Variants in OSTF1 observed in about 807,000 individuals in gnomAD.
OSTF1 encodes osteoclast-stimulating factor 1.
Under a neutral mutation model 37.2 loss-of-function variants are expected in OSTF1, and 27 were observed. That is an observed-to-expected ratio of 0.73 (90% confidence interval 0.54 to 1.00). The LOEUF (loss-of-function observed/expected upper bound fraction) is 1.00. OSTF1 is among the 50% of genes least tolerant of loss of function. OSTF1 has a pLI of 0.00. For synonymous variants in OSTF1, 82 were observed against 89.2 expected, an observed-to-expected ratio of 0.92 and a Z score of 0.46; for missense variants, 232 against 253.8, an observed-to-expected ratio of 0.91 and a Z score of 0.58.
At chr9:75,130,949 G>C (rs1825752986) in intron 4 of OSTF1, among the ~76,000 whole-genome samples, 1 of 152,128 alleles carries the variant, frequency 6.6e-6, no homozygotes, top group African/African-American at 2.4e-5. Flanking sequence ...CAATCTTGCA[G>C]ATAGTTTCTT....
chr9:75,113,918 G>A (rs936007368), intron 1 of OSTF1, among the ~76,000 whole-genome samples: 2 of 152,114 alleles, frequency 1.3e-5, no homozygotes, highest in East Asian at 1.9e-4. Flanking sequence ...ACAGAAATTT[G>A]TGTTCTTTAA....
At chr9:75,132,928 A>G (rs926280767) in intron 5 of OSTF1, among the ~76,000 whole-genome samples, 2 of 151,878 alleles carry the variant, frequency 1.3e-5, no homozygotes, top group Admixed American at 6.6e-5. Context: ...CTCAATTTCC[A>G]GAATTTCACA....
At position 75,088,715 on chromosome 9, in the gene OSTF1, C is replaced by T. The variant is rs1212628440; in HGVS notation, c.23C>T (p.Pro8Leu). The T allele has an allele frequency of 6.2e-7, 1 of 1,609,266 alleles. No individual in the cohort carries two copies. Among genetic ancestry groups the T allele is most frequent in the Admixed American group, 1.7e-5 (1 of 59,614 alleles). The change falls in exon 1 of 10, where the codon CCA becomes CTA. Residue 8 changes from proline (P) to leucine (L), a missense_variant. By Grantham distance (98) the Pro-to-Leu change is moderately conservative. Transcript: ENST00000346234. ...GAGATGTCGAAGCCGCCACCCAAAC[C>T]AGTCAAACCAGGTGAGGGAGGTAAG... Reference protein sequence around the residue: MSKPPPKPVKPGQVKVFR... With the variant: MSKPPPKLVKPGQVKVFR...
intron 2 of OSTF1, among the ~76,000 whole-genome samples, chr9:75,126,068 C>A (rs1825656942): frequency 6.6e-6 from 1 of 152,094 alleles, no homozygotes; most frequent in African/African-American, 2.4e-5. Flanking sequence ...CACCACCACA[C>A]CTGGCACATT....
intron 1 of OSTF1, among the ~76,000 whole-genome samples, chr9:75,111,684 T>G (rs1381943817): frequency 2.0e-5 from 3 of 152,226 alleles, no homozygotes; most frequent in African/African-American, 7.2e-5. Context: ...TAGACTTTGA[T>G]GAGACAATGA....
At chr9:75,136,478 T>A (rs1587474556) in intron 7 of OSTF1, among the ~76,000 whole-genome samples, 1 of 152,116 alleles carries the variant, frequency 6.6e-6, no homozygotes, top group South Asian at 2.1e-4. Context: ...CTGCAACCTC[T>A]GCCTCCCGGG....
At chr9:75,136,829 A>T (rs1444860091) in intron 7 of OSTF1, among the ~76,000 whole-genome samples, 1 of 152,080 alleles carries the variant, frequency 6.6e-6, no homozygotes, top group African/African-American at 2.4e-5. Flanking sequence ...AATGAAAGTG[A>T]CACTCCTTCC....
rs943263074 is a variant in OSTF1, at chr9:75,110,400, C to T, written c.35-7104C>T. On this transcript the variant is annotated intron_variant, in intron 1 of 9. Coordinates refer to ENST00000346234, the MANE Select transcript of OSTF1 (RefSeq NM_012383.5). ...TTAGTAATACGCATTTTAGTTTCCT[C>T]CATGTCTTTTCATGGCTTGATAGCT... 5.9e-5 allele frequency among the ~76,000 whole-genome samples: 9 copies of T among 152,322 alleles called. No homozygotes were observed. In the South Asian group the frequency reaches 1.9e-3, roughly 32 times the overall value.
chr9:75,094,040 ACTAT>A (rs1405501755), intron 1 of OSTF1, among the ~76,000 whole-genome samples: 1 of 152,194 alleles, frequency 6.6e-6, no homozygotes, highest in Non-Finnish European at 1.5e-5. Context: ...GGTCAAGTAA[ACTAT>A]CTAAGATCTC....
chr9:75,090,262 C>A (rs1364965161), intron 1 of OSTF1, among the ~76,000 whole-genome samples: 1 of 151,638 alleles, frequency 6.6e-6, no homozygotes, highest in African/African-American at 2.4e-5. Context: ...GTATTAAATG[C>A]TGTCTATATT....
rs1004872692 is a variant in OSTF1, at chr9:75,088,709, CCAAACCAGT to C, written c.26_34del (p.Val9_Pro11del). On this transcript the variant is annotated inframe_deletion, in exon 1 of 10. Coordinates refer to ENST00000346234, the MANE Select transcript of OSTF1 (RefSeq NM_012383.5). Reference sequence around the variant, plus strand: ...GGAAGCGAGATGTCGAAGCCGCCACCCAAACCAGTCAAACCAGGTGAGGGAGGTAAGGTA... The same window carrying C: ...GGAAGCGAGATGTCGAAGCCGCCACCCAAACCAGGTGAGGGAGGTAAGGTA... 5 of 1,609,380 alleles carry C rather than the reference CCAAACCAGT, an allele frequency of 3.1e-6. No individual in the cohort carries two copies. The highest frequency in any genetic ancestry group is 4.2e-6 in the Non-Finnish European group (5 of 1,177,752).
chr9:75,093,930 C>T (rs1435724927), intron 1 of OSTF1, among the ~76,000 whole-genome samples: 1 of 152,202 alleles, frequency 6.6e-6, no homozygotes, highest in African/African-American at 2.4e-5. Flanking sequence ...GCACTGCACC[C>T]AGCACTGTGT....
At chr9:75,146,129 T>C (rs1287793331) in intron 9 of OSTF1, among the ~76,000 whole-genome samples, 2 of 152,238 alleles carry the variant, frequency 1.3e-5, no homozygotes, top group Admixed American at 6.5e-5. Flanking sequence ...TGTCTTCCTT[T>C]TGAGTCCTGT....
At chr9:75,115,331 G>A (rs1189867826) in intron 1 of OSTF1, among the ~76,000 whole-genome samples, 1 of 151,840 alleles carries the variant, frequency 6.6e-6, no homozygotes, top group East Asian at 1.9e-4. Context: ...TTGCTCTGTT[G>A]CCCAGGCTGG....
At chr9:75,130,391 G>A (rs777206961) in intron 3 of OSTF1, among the ~76,000 whole-genome samples, 187 bp from the exon 4 acceptor site, 2 of 152,142 alleles carry the variant, frequency 1.3e-5, no homozygotes, top group Non-Finnish European at 2.9e-5. Flanking sequence ...AGGCAGATGC[G>A]TGTTTATTTG....
At chr9:75,112,529 T>G in intron 1 of OSTF1, among the ~76,000 whole-genome samples, 1 of 152,242 alleles carries the variant, frequency 6.6e-6, no homozygotes, top group Non-Finnish European at 1.5e-5. Context: ...TATGTAAAAG[T>G]GTTTTCTACA....
At chr9:75,094,368 G>T (rs1440170725) in intron 1 of OSTF1, among the ~76,000 whole-genome samples, 1 of 151,624 alleles carries the variant, frequency 6.6e-6, no homozygotes, top group Non-Finnish European at 1.5e-5. Context: ...CAAAAAAAAG[G>T]TGGGTTTTTT....
chr9:75,106,128 T>C (rs968660625), intron 1 of OSTF1, among the ~76,000 whole-genome samples: 1 of 152,292 alleles, frequency 6.6e-6, no homozygotes, highest in East Asian at 1.9e-4. Flanking sequence ...GAGGTGGTGT[T>C]AGAGAGAGGA....
intron 1 of OSTF1, among the ~76,000 whole-genome samples, chr9:75,114,853 C>T (rs1825453769): frequency 6.6e-6 from 1 of 152,200 alleles, no homozygotes; most frequent in South Asian, 2.1e-4. Flanking sequence ...CATGCCTGGC[C>T]TCAGACTTTT....
Sources: allele counts gnomAD v4.1 joint callset (sites outside exome capture counted in the v4.1 genomes callset), GRCh38; gene constraint gnomAD v4.1.1; transcripts MANE v1.5; gene names NCBI Gene and HGNC (gene_info 2026-07-23, HGNC 2026-07-21).